Variants in TLL2 observed in about 807,000 individuals in gnomAD.
The protein encoded by TLL2 is tolloid-like protein 2.
A neutral mutation model predicts 123.0 loss-of-function variants in TLL2; 106 were observed. That is an observed-to-expected ratio of 0.86 (90% CI 0.74 to 1.01). TLL2 has a LOEUF of 1.01. TLL2 is among the 50% of genes least tolerant of loss of function. The pLI is 0.00. For missense variants in TLL2, 1,332 were observed against 1,336.7 expected, an observed-to-expected ratio of 1.00 and a Z score of 0.06; for synonymous variants, 494 against 516.8, an observed-to-expected ratio of 0.96 and a Z score of 0.60.
intron 2 of TLL2, among the ~76,000 whole-genome samples, chr10:96,478,153 G>T (rs1361666872): frequency 6.6e-6 from 1 of 152,252 alleles, no homozygotes; most frequent in Non-Finnish European, 1.5e-5. Context: ...CGGGTATGCA[G>T]CTGGCGTGGT....
At chr10:96,369,439 A>G (rs985703582) in intron 20 of TLL2, among the ~76,000 whole-genome samples, 2 of 152,236 alleles carry the variant, frequency 1.3e-5, no homozygotes, top group African/African-American at 4.8e-5. Context: ...ATAATTAAAT[A>G]TTTTTAAAGC....
intron 2 of TLL2, among the ~76,000 whole-genome samples, chr10:96,454,036 CAT>C (rs1554937749): frequency 4.0e-5 from 6 of 151,664 alleles, no homozygotes; most frequent in African/African-American, 1.2e-4. Context: ...CACACACACA[CAT>C]ATACACACAG....
At chr10:96,388,765 GCA>G (rs566125870) in intron 13 of TLL2, among the ~76,000 whole-genome samples, 207 of 152,268 alleles carry the variant, frequency 1.4e-3, no homozygotes, top group African/African-American at 4.6e-3. Flanking sequence ...TGTCTGTGAT[GCA>G]CAGACTCCTC....
At chr10:96,493,562 C>T (rs1331323340) in intron 1 of TLL2, among the ~76,000 whole-genome samples, 3 of 152,068 alleles carry the variant, frequency 2.0e-5, no homozygotes, top group Non-Finnish European at 4.4e-5. Flanking sequence ...TAAGGCAGGA[C>T]AGGAGGCCAG....
At chr10:96,450,112 CGGAT>C (rs1846942001) in intron 2 of TLL2, among the ~76,000 whole-genome samples, 1 of 147,726 alleles carries the variant, frequency 6.8e-6, no homozygotes, top group Admixed American at 6.7e-5. Context: ...AAATACAGAA[CGGAT>C]GGATGAAGGG....
chr10:96,401,416 A>G (rs1554933392), intron 10 of TLL2, among the ~76,000 whole-genome samples: 1 of 152,194 alleles, frequency 6.6e-6, no homozygotes, highest in Non-Finnish European at 1.5e-5. Context: ...GTTCACTAAC[A>G]ACTGCATTTG....
At chr10:96,411,257 C>CAAAAAAAAAAA (rs56011735) in intron 8 of TLL2, among the ~76,000 whole-genome samples, 1 of 95,172 alleles carries the variant, frequency 1.1e-5, no homozygotes, top group African/African-American at 4.4e-5. Context: ...GACTCTGTCT[C>CAAAAAAAAAAA]AAAAAAAAAA....
chr10:96,461,590 C>A (rs1168813393), intron 2 of TLL2, among the ~76,000 whole-genome samples: 1 of 152,190 alleles, frequency 6.6e-6, no homozygotes, highest in East Asian at 1.9e-4. Context: ...TTCTCACTGC[C>A]AAATTCTCAC....
intron 3 of TLL2, among the ~76,000 whole-genome samples, chr10:96,435,884 C>T (rs970578992): frequency 2.6e-5 from 4 of 152,186 alleles, no homozygotes; most frequent in Admixed American, 6.5e-5. Context: ...CTGTGTCTCA[C>T]ATTTTGAAAT....
At chr10:96,471,924 G>C (rs1847188044) in intron 2 of TLL2, among the ~76,000 whole-genome samples, 1 of 152,170 alleles carries the variant, frequency 6.6e-6, no homozygotes. Flanking sequence ...GTGTGTGTGT[G>C]TACCTACGAG....
Position 96,373,606 on chromosome 10 carries a change from C to A in TLL2, c.2652G>T (p.Val884=). 1 of 1,614,174 alleles carries A rather than the reference C, an allele frequency of 6.2e-7. No individual in the cohort carries two copies. Among genetic ancestry groups the A allele is most frequent in the Non-Finnish European group, 8.5e-7 (1 of 1,180,010 alleles). Residue 884 remains valine (V), a synonymous_variant, in exon 19 of 21, where the codon GTG becomes GTT. Coordinates refer to ENST00000357947, the MANE Select transcript of TLL2 (RefSeq NM_012465.4). ...ASVQRKGFQA[V]HSTECGGRLK... ...TCCCACCCCAGGTACCTGTGCTGTGCACTGCCTGGAAGCCTTTCCTCTGCA... is the reference window on the plus strand; with the variant it reads ...TCCCACCCCAGGTACCTGTGCTGTGAACTGCCTGGAAGCCTTTCCTCTGCA...
chr10:96,383,257 T>C (rs578149125), intron 16 of TLL2, among the ~76,000 whole-genome samples: 4 of 152,322 alleles, frequency 2.6e-5, no homozygotes, highest in African/African-American at 9.6e-5. Flanking sequence ...TAGGGTCCAA[T>C]GTGCTGCTGT....
At chr10:96,510,310 T>C (rs962228245) in intron 1 of TLL2, among the ~76,000 whole-genome samples, 3 of 152,200 alleles carry the variant, frequency 2.0e-5, no homozygotes, top group Admixed American at 2.0e-4. Context: ...GGCAGAGCTA[T>C]GGATGACCAG....
chr10:96,403,875 C>T (rs1003100924), intron 10 of TLL2, among the ~76,000 whole-genome samples: 9 of 151,890 alleles, frequency 5.9e-5, no homozygotes, highest in South Asian at 2.1e-4. Flanking sequence ...ATGTTTGCAG[C>T]AATGCTGCCT....
chr10:96,384,578 C>T lies in TLL2; in HGVS notation c.2194+9G>A. 1.9e-6 allele frequency: 3 copies of T among 1,570,340 alleles called. No individual in the cohort carries two copies. The highest frequency in any genetic ancestry group is 2.6e-6 in the Non-Finnish European group (3 of 1,152,152). ...GCGCTGCATCAGCCTCACCTCTGAACCCGCATACCTGAGAAGAAGTGGGCC... is the reference window on the plus strand; with the variant it reads ...GCGCTGCATCAGCCTCACCTCTGAATCCGCATACCTGAGAAGAAGTGGGCC... On this transcript the variant is annotated intron_variant, in intron 16 of 20. Coordinates refer to ENST00000357947, the MANE Select transcript of TLL2 (RefSeq NM_012465.4).
At chr10:96,396,152 C>T (rs1846337787) in intron 11 of TLL2, 132 bp from the exon 12 acceptor site, 3 of 1,072,730 alleles carry the variant, frequency 2.8e-6, no homozygotes, top group African/African-American at 3.1e-5. Flanking sequence ...TTTTCATCTC[C>T]AGCCCACAAA....
At chr10:96,415,022 C>T (rs1055695986) in intron 7 of TLL2, among the ~76,000 whole-genome samples, 2 of 152,170 alleles carry the variant, frequency 1.3e-5, no homozygotes, top group Non-Finnish European at 2.9e-5. Flanking sequence ...CTCTACTGCT[C>T]CCCTTGGCCA....
At chr10:96,392,060 G>C (rs1182354477) in intron 13 of TLL2, among the ~76,000 whole-genome samples, 2 of 152,142 alleles carry the variant, frequency 1.3e-5, no homozygotes, top group East Asian at 3.9e-4. Context: ...ACCACCATGA[G>C]CACTTGAGGA....
At position 96,373,651 on chromosome 10, in the gene TLL2, C is replaced by T. The variant is rs2134051224; in HGVS notation, c.2607G>A (p.Arg869=). The T allele has an allele frequency of 1.2e-6, 2 of 1,614,242 alleles. No homozygotes were observed. Among genetic ancestry groups the T allele is most frequent in the South Asian group, 2.2e-5 (2 of 91,084 alleles). Residue 869 remains arginine (R), a synonymous_variant, in exon 19 of 21, where the codon AGG becomes AGA. Transcript: ENST00000357947. ...TVASGSSMFL[R]FYSDASVQRK... The stretch of plus-strand genomic sequence containing the variant: ...TCTGCACTGAGGCATCCGAATAAAA[C>T]CTGAGAAACATACTGCTGCCGGAAG...
Sources: gnomAD v4.1 joint callset for allele counts (sites outside exome capture counted in the v4.1 genomes callset) on GRCh38, gnomAD v4.1.1 for gene constraint, MANE v1.5 for transcripts, NCBI Gene and HGNC (gene_info 2026-07-23, HGNC 2026-07-21) for gene names.